Variants in EML5 observed in about 807,000 individuals in gnomAD.
EML5 encodes EMAP like 5.
In EML5, 120 loss-of-function variants were observed where a neutral mutation model predicts 250.0. That is an observed-to-expected ratio of 0.48 (90% CI 0.41 to 0.56). The LOEUF (loss-of-function observed/expected upper bound fraction) is 0.56, where lower values mean the gene tolerates loss of function less well. Among genes scored for constraint, EML5 ranks in the 20% least tolerant of loss-of-function variants. The pLI, the probability that EML5 is intolerant of heterozygous loss-of-function variation, is 0.00. For missense variants in EML5, 2,006 were observed against 2,437.6 expected, an observed-to-expected ratio of 0.82 and a Z score of 3.73; for synonymous variants, 771 against 806.5, an observed-to-expected ratio of 0.96 and a Z score of 0.75.
rs1416615143 is a variant in EML5 at position 88,622,651 on chromosome 14, C to G, written c.4966G>C (p.Glu1656Gln). Reference protein sequence around the residue: ...ELRRCRAFRLETGQATDCVRS... With the variant: ...ELRRCRAFRLQTGQATDCVRS... ...ACACAATCTGTGGCTTGTCCTGTCTCAAGCCTGAAGGCACGGCACCGCCTC... is the reference window on the plus strand; with the variant it reads ...ACACAATCTGTGGCTTGTCCTGTCTGAAGCCTGAAGGCACGGCACCGCCTC... The change falls in exon 37 of 44, where the codon GAG becomes CAG. Residue 1656 changes from glutamate (E) to glutamine (Q), a missense_variant. Transcript: ENST00000554922. 3.1e-6 allele frequency: 5 copies of G among 1,611,966 alleles called. No homozygotes were observed. Among genetic ancestry groups the G allele is most frequent in the Non-Finnish European group, 4.2e-6 (5 of 1,178,932 alleles).
rs1013417251 is a variant in EML5 at position 88,792,495 on chromosome 14, G to T, written c.9C>A (p.Ala3=). Residue 3 remains alanine, a synonymous_variant, in exon 1 of 44, where the codon GCC becomes GCA. Coordinates refer to ENST00000554922, the MANE Select transcript of EML5 (RefSeq NM_183387.3). The surrounding 1 kb of genome is among the most constrained non-coding windows in gnomAD (Gnocchi z 6.9). ...GCAGGTGGCAGCTCGGGGCGCTCCG[G>T]GCCGCCATGTCGGGGCGCCCACCCG... MA[A]RSAPSCHLRL... 4.2e-6 allele frequency: 6 copies of T among 1,423,004 alleles called. No homozygotes were observed. In the Admixed American group the frequency reaches 9.9e-5, roughly 24 times the overall value. The allele number at this position is 1,423,004 out of a possible 1,614,324, so 88.1% of individuals were successfully genotyped here.
At chr14:88,766,864 G>T (rs561888775) in intron 1 of EML5, among the ~76,000 whole-genome samples, 1 of 151,996 alleles carries the variant, frequency 6.6e-6, no homozygotes, top group East Asian at 1.9e-4. Flanking sequence ...CAGACTGGCC[G>T]ACACTTAGGG....
In EML5 at chr14:88,662,339, G is replaced by GTTTTTTTTTTT. The variant is rs71127000; in HGVS notation, c.3499-520_3499-510dup. Among the ~76,000 whole-genome samples, 14 of 55,658 alleles carry GTTTTTTTTTTT rather than the reference G, an allele frequency of 2.5e-4. 2 individuals carry two copies. Among genetic ancestry groups the GTTTTTTTTTTT allele is most frequent in the African/African-American group, 7.7e-4 (12 of 15,664 alleles). 36.5% of individuals were successfully genotyped at this position (55,658 alleles called of 152,430 possible). ...CACAAAATGCAACACAATTTTTCTT[G>GTTTTTTTTTTT]TTTTTTTTTTTTTTTTTTTTTTTTT... is the stretch of plus-strand genomic sequence containing the variant. On this transcript the variant is annotated intron_variant, in intron 24 of 43. Transcript: ENST00000554922.
At position 88,620,950 on chromosome 14, in the gene EML5, A is replaced by G; in HGVS notation, c.5203-24T>C. 2 of 1,478,606 alleles carry G rather than the reference A, an allele frequency of 1.4e-6. No individual in the cohort carries two copies. The highest frequency in any genetic ancestry group is 1.8e-6 in the Non-Finnish European group (2 of 1,117,876). 91.6% of individuals were successfully genotyped at this position (1,478,606 alleles called of 1,614,324 possible). ...TTCTGCATTTAAAAAAAAAAAAAAA[A>G]AGAGTCATAGGAAACATTAAGTGAA... On this transcript the variant is annotated intron_variant, in intron 38 of 43. Coordinates refer to ENST00000554922, the MANE Select transcript of EML5 (RefSeq NM_183387.3). This position sits in a 1 kb window ranked among gnomAD's most constrained non-coding sequence, Gnocchi z 4.3.
intron 26 of EML5, 148 bp from the exon 27 acceptor site, chr14:88,657,650 T>C (rs2091920969): frequency 1.9e-5 from 13 of 669,654 alleles, no homozygotes; most frequent in Non-Finnish European, 2.7e-5. Context: ...GAAAAAACGA[T>C]GTAGAAGAAT....
intron 8 of EML5, among the ~76,000 whole-genome samples, chr14:88,717,950 TA>T (rs2093527442): frequency 6.6e-6 from 1 of 152,364 alleles, no homozygotes; most frequent in Non-Finnish European, 1.5e-5. Flanking sequence ...GTTAAAGATA[TA>T]ATTCTAATCT....
chr14:88,689,803 G>A (rs1191529340), intron 17 of EML5, among the ~76,000 whole-genome samples: 3 of 152,128 alleles, frequency 2.0e-5, no homozygotes, highest in Non-Finnish European at 4.4e-5. Flanking sequence ...CAATGTACCA[G>A]GCATAGACTT....
At chr14:88,783,317 T>C (rs1170646270) in intron 1 of EML5, among the ~76,000 whole-genome samples, 1 of 152,060 alleles carries the variant, frequency 6.6e-6, no homozygotes, top group Non-Finnish European at 1.5e-5. Flanking sequence ...ATGGTGTAAA[T>C]GTAAAGGACT....
At chr14:88,709,181 C>T (rs1342639370) in intron 10 of EML5, among the ~76,000 whole-genome samples, 3 of 151,716 alleles carry the variant, frequency 2.0e-5, no homozygotes. Context: ...AAATATCTTT[C>T]TGACCCTAGT....
chr14:88,680,529 G>C (rs985670424), intron 21 of EML5, among the ~76,000 whole-genome samples: 1 of 151,862 alleles, frequency 6.6e-6, no homozygotes, highest in Admixed American at 6.6e-5. Context: ...AGTGGTTCTC[G>C]ATGGTAGCAC....
At chr14:88,627,896 T>C in intron 33 of EML5, 77 bp from the exon 34 acceptor site, 1 of 1,338,834 alleles carries the variant, frequency 7.5e-7, no homozygotes, top group Non-Finnish European at 1.0e-6. Flanking sequence ...TGCATATTCA[T>C]CTGTGAAACA....
intron 17 of EML5, among the ~76,000 whole-genome samples, chr14:88,690,150 G>A (rs2092924285): frequency 6.6e-6 from 1 of 152,190 alleles, no homozygotes; most frequent in Non-Finnish European, 1.5e-5. Flanking sequence ...GACAAGTATG[G>A]AGCAGCAAAG....
chr14:88,651,154 CTT>C (rs869045980), intron 27 of EML5, among the ~76,000 whole-genome samples: 12,772 of 93,158 alleles, frequency 0.14, 731 homozygotes, highest in African/African-American at 0.19. Context: ...TTGTCATTTT[CTT>C]TTTTTTTTTT....
intron 21 of EML5, among the ~76,000 whole-genome samples, chr14:88,672,662 G>C (rs2092496056): frequency 6.6e-6 from 1 of 151,862 alleles, no homozygotes; most frequent in Non-Finnish European, 1.5e-5. Context: ...GACAAGAAAA[G>C]AGAGAAGAAT....
chr14:88,654,655 T>C (rs946930361), intron 27 of EML5, among the ~76,000 whole-genome samples: 4 of 152,214 alleles, frequency 2.6e-5, no homozygotes, highest in African/African-American at 9.6e-5. Flanking sequence ...CTGTTTGTTA[T>C]GATTTCTGTT....
At chr14:88,648,722 A>G (rs2091473128) in intron 28 of EML5, among the ~76,000 whole-genome samples, 1 of 152,064 alleles carries the variant, frequency 6.6e-6, no homozygotes, top group Non-Finnish European at 1.5e-5. Context: ...CTTCTAGCCC[A>G]TTATAAACTA....
intron 1 of EML5, among the ~76,000 whole-genome samples, chr14:88,775,386 G>T (rs1455371838): frequency 6.6e-6 from 1 of 152,108 alleles, no homozygotes; most frequent in Non-Finnish European, 1.5e-5. Context: ...GGAGCCCATT[G>T]CCCTGAAAAG....
At chr14:88,749,906 C>G (rs931274312) in intron 2 of EML5, among the ~76,000 whole-genome samples, 2 of 152,162 alleles carry the variant, frequency 1.3e-5, no homozygotes, top group African/African-American at 4.8e-5. Flanking sequence ...ACAACACATA[C>G]TGTGAAAAGT....
In EML5 at chr14:88,789,070, A is replaced by G. The variant is rs575127979; in HGVS notation, c.197+3237T>C. 3.1e-4 allele frequency among the ~76,000 whole-genome samples: 44 copies of G among 140,998 alleles called. No individual in the cohort carries two copies. The East Asian group carries it at 7.9e-3, about 25-fold the overall frequency. The allele number at this position is 140,998 out of a possible 152,430, so 92.5% of individuals were successfully genotyped here. A position where few individuals can be genotyped will look rare whatever the true frequency, so the allele number is the denominator to read the frequency against. ...GCAGAGCAAGGGCCTGTCTCAGTTT[A>G]AAAAAAAAAAAAAGCTATCGCATTC... On this transcript the variant is annotated intron_variant, in intron 1 of 43. Transcript: ENST00000554922.
Sources: allele counts gnomAD v4.1 joint callset (sites outside exome capture counted in the v4.1 genomes callset), GRCh38; gene constraint gnomAD v4.1.1; non-coding constraint Gnocchi (gnomAD v3.1); transcripts MANE v1.5; gene names NCBI Gene and HGNC (gene_info 2026-07-23, HGNC 2026-07-21).